The following LUZP2 variants were observed in gnomAD, a reference collection of about 807,000 sequenced individuals.
The protein encoded by LUZP2 is leucine zipper protein 2.
In LUZP2, 52 loss-of-function variants were observed where a neutral mutation model predicts 51.6. The observed-to-expected ratio is 1.01, with a 90% CI of 0.81 to 1.27. The LOEUF (loss-of-function observed/expected upper bound fraction) is 1.27. Among genes scored for constraint, LUZP2 ranks in the 50% most tolerant of loss-of-function variants. The probability of loss-of-function intolerance (pLI) is 0.00; values close to 1 mark genes in which losing one functional copy is unlikely to be tolerated. For missense variants in LUZP2, 436 were observed against 395.4 expected (o/e 1.10, Z -0.87); for synonymous variants, 154 against 137.3 (o/e 1.12, Z -0.85).
At chr11:24,897,524 A>G (rs752613373) in intron 5 of LUZP2, among the ~76,000 whole-genome samples, 7 of 152,076 alleles carry the variant, frequency 4.6e-5, no homozygotes, top group Admixed American at 6.5e-5. Context: ...GCGCTGCATT[A>G]AGAGCTGTAA....
chr11:24,514,925 A>T (rs1850418502), intron 1 of LUZP2, among the ~76,000 whole-genome samples: 2 of 152,106 alleles, frequency 1.3e-5, no homozygotes, highest in African/African-American at 4.8e-5. Flanking sequence ...TTTTTACATG[A>T]CTTTAGGTCA....
At chr11:25,012,968 C>T (rs952434166) in intron 9 of LUZP2, among the ~76,000 whole-genome samples, 1 of 152,088 alleles carries the variant, frequency 6.6e-6, no homozygotes, top group Admixed American at 6.6e-5. Context: ...ATGGAATCAA[C>T]CTAAGTGTCC....
chr11:24,907,939 G>A (rs1853510471), intron 6 of LUZP2, among the ~76,000 whole-genome samples: 1 of 151,776 alleles, frequency 6.6e-6, no homozygotes. Context: ...TAGGTTCATT[G>A]CAATTTATTT....
At chr11:24,550,117 T>G (rs1851681300) in intron 1 of LUZP2, among the ~76,000 whole-genome samples, 1 of 152,062 alleles carries the variant, frequency 6.6e-6, no homozygotes, top group African/African-American at 2.4e-5. Context: ...TATGAATCTG[T>G]TTTACTGTTG....
intron 7 of LUZP2, among the ~76,000 whole-genome samples, chr11:24,960,008 C>G (rs1310885382): frequency 6.6e-6 from 1 of 152,164 alleles, no homozygotes; most frequent in South Asian, 2.1e-4. Context: ...TTGAGATAAT[C>G]ATGTGGTTTT....
In LUZP2 at chr11:24,720,229, A is replaced by C. The variant is rs1858211473; in HGVS notation, c.63-8940A>C. Among the ~76,000 whole-genome samples the C allele has an allele frequency of 3.4e-5, 5 of 145,660 alleles. No homozygotes were observed. The South Asian group carries it at 1.1e-3, about 32-fold the overall frequency. On this transcript the variant is annotated intron_variant, in intron 1 of 11. Transcript: ENST00000336930. ...AAGAAAGGTTACCAGTCTCACACAAATTCTTTCAGATAATAGAAAAAAAAA... is the reference window on the plus strand; with the variant it reads ...AAGAAAGGTTACCAGTCTCACACAACTTCTTTCAGATAATAGAAAAAAAAA...
At chr11:24,695,512 A>G (rs981670747) in intron 1 of LUZP2, among the ~76,000 whole-genome samples, 2 of 152,090 alleles carry the variant, frequency 1.3e-5, no homozygotes, top group Non-Finnish European at 2.9e-5. Context: ...AATACGCACT[A>G]TAATACGGTT....
chr11:24,558,540 C>G (rs926349743), intron 1 of LUZP2, among the ~76,000 whole-genome samples: 1 of 152,014 alleles, frequency 6.6e-6, no homozygotes, highest in Non-Finnish European at 1.5e-5. Flanking sequence ...GAAACGCAGG[C>G]AAAAATGTCA....
intron 7 of LUZP2, among the ~76,000 whole-genome samples, chr11:24,915,740 A>G (rs1853770563): frequency 6.6e-6 from 1 of 152,058 alleles, no homozygotes; most frequent in Admixed American, 6.6e-5. Context: ...AAGGAAGTAG[A>G]CAGTAGAAAC....
chr11:25,010,130 A>C (rs1856940679), intron 9 of LUZP2, among the ~76,000 whole-genome samples: 1 of 152,210 alleles, frequency 6.6e-6, no homozygotes, highest in Non-Finnish European at 1.5e-5. Context: ...GCAGTCTAGC[A>C]TAGTTAAGAC....
At chr11:24,892,144 G>T in intron 5 of LUZP2, 1 of 985,568 alleles carries the variant, frequency 1.0e-6, no homozygotes, top group Non-Finnish European at 1.2e-6. Flanking sequence ...TCGTTTGCTT[G>T]TTATTTCTTA....
In LUZP2 at chr11:24,616,542, A is replaced by G. The variant is rs373585613; in HGVS notation, c.63-112627A>G. 8.6e-5 allele frequency among the ~76,000 whole-genome samples: 13 copies of G among 151,246 alleles called. No individual in the cohort carries two copies. The East Asian group carries it at 1.2e-3, about 14-fold the overall frequency. On this transcript the variant is annotated intron_variant, in intron 1 of 11. Coordinates refer to ENST00000336930, the MANE Select transcript of LUZP2 (RefSeq NM_001009909.4). ...ACCATGGATGTTCAATTCCCTCAAC[A>G]CCATTTCTTGAAAAGACTACCTTTC... is the stretch of plus-strand genomic sequence containing the variant.
At chr11:24,840,264 C>A (rs1024101275) in intron 5 of LUZP2, among the ~76,000 whole-genome samples, 2 of 151,782 alleles carry the variant, frequency 1.3e-5, no homozygotes, top group African/African-American at 4.8e-5. Context: ...AACATAGTAA[C>A]ATTTATCCCA....
At chr11:24,819,765 G>C (rs1164470637) in intron 5 of LUZP2, among the ~76,000 whole-genome samples, 2 of 135,172 alleles carry the variant, frequency 1.5e-5, no homozygotes, top group African/African-American at 5.9e-5. Context: ...TAATAGGCTA[G>C]TTATTTTTTT....
intron 9 of LUZP2, among the ~76,000 whole-genome samples, chr11:25,036,808 G>T (rs183255626): frequency 6.6e-6 from 1 of 151,816 alleles, no homozygotes; most frequent in Non-Finnish European, 1.5e-5. Flanking sequence ...TATTGCACTG[G>T]GGTCCAGGAG....
At chr11:24,963,706 C>A (rs537834272) in intron 7 of LUZP2, among the ~76,000 whole-genome samples, 1 of 152,154 alleles carries the variant, frequency 6.6e-6, no homozygotes. Context: ...CTCCTTGACC[C>A]CTTGTGCTTC....
At chr11:24,860,946 A>G (rs1288313840) in intron 5 of LUZP2, among the ~76,000 whole-genome samples, 1 of 152,174 alleles carries the variant, frequency 6.6e-6, no homozygotes, top group East Asian at 1.9e-4. Context: ...GCAGAACTGG[A>G]TGGAGGATCA....
intron 1 of LUZP2, among the ~76,000 whole-genome samples, chr11:24,522,346 GT>G (rs11318475): frequency 0.24 from 35,000 of 148,386 alleles, 5,272 homozygotes; most frequent in African/African-American, 0.44. Context: ...TTTTCTTTTT[GT>G]TTTTTTGCTT....
In LUZP2 at chr11:24,872,494, A is replaced by T. The variant is rs75818819; in HGVS notation, c.397-33497A>T. Among the ~76,000 whole-genome samples, 107 of 152,254 alleles carry T rather than the reference A, an allele frequency of 7.0e-4. 1 individual carries two copies. In the East Asian group the frequency reaches 0.014, roughly 20 times the overall value. ...TCAAGGGGATTAAAATATTTTGGAA[A>T]ATTAAAGAGCATATTTAAAATGTTA... On this transcript the variant is annotated intron_variant, in intron 5 of 11. Transcript: ENST00000336930.
Sources: gnomAD v4.1 joint callset for allele counts (sites outside exome capture counted in the v4.1 genomes callset) on GRCh38, gnomAD v4.1.1 for gene constraint, MANE v1.5 for transcripts, NCBI Gene and HGNC (gene_info 2026-07-23, HGNC 2026-07-21) for gene names.